The following DMD variants were observed in gnomAD, a reference collection of about 807,000 sequenced individuals.
DMD encodes dystrophin, also known as mutant dystrophin.
Under a neutral mutation model 330.1 loss-of-function variants are expected in DMD, and 63 were observed. The ratio of observed to expected loss-of-function variants is 0.19; its 90% CI spans 0.16 to 0.24. The LOEUF is 0.24. Ranked by LOEUF, DMD falls within the 10% of genes least tolerant of loss-of-function variation. The pLI is 1.00. For missense variants in DMD, 3,344 were observed against 2,684.1 expected, an observed-to-expected ratio of 1.25 and a Z score of -5.43; for synonymous variants, 1,223 against 959.8, an observed-to-expected ratio of 1.27 and a Z score of -5.07.
chrX:32,559,445 C>A (rs1603636358), intron 16 of DMD, among the ~76,000 whole-genome samples: 1 of 111,207 alleles, frequency 9.0e-6, no homozygotes, highest in East Asian at 2.8e-4. Flanking sequence ...TCGTGGAGAG[C>A]TTTCAGGAAG....
chrX:33,054,923 T>C (rs971599790), intron 1 of DMD, among the ~76,000 whole-genome samples: 4 of 111,873 alleles, frequency 3.6e-5, no homozygotes, highest in Non-Finnish European at 5.6e-5. Flanking sequence ...GATTTTGAAT[T>C]AACTATGTGA....
chrX:33,174,423 AGTGT>A (rs755414559), intron 1 of DMD, among the ~76,000 whole-genome samples: 5 of 111,966 alleles, frequency 4.5e-5, no homozygotes, highest in African/African-American at 1.6e-4. Flanking sequence ...GAGTTATTTA[AGTGT>A]GTGACTACTT....
chrX:32,782,899 A>G (rs1175160616), intron 7 of DMD, among the ~76,000 whole-genome samples: 1 of 105,915 alleles, frequency 9.4e-6, no homozygotes, highest in East Asian at 3.0e-4. Context: ...ACATATACAC[A>G]TATATATCAT....
chrX:33,041,246 A>G (rs2094294119), intron 1 of DMD: 9 of 516,709 alleles, frequency 1.7e-5, no homozygotes, highest in East Asian at 7.3e-5. Flanking sequence ...GTATGACACT[A>G]TAATGATTTA....
At chrX:31,257,869 C>T (rs1392553675) in intron 63 of DMD, among the ~76,000 whole-genome samples, 1 of 112,089 alleles carries the variant, frequency 8.9e-6, no homozygotes. Flanking sequence ...TCACTTCATC[C>T]TGGGGAGGCG....
intron 43 of DMD, among the ~76,000 whole-genome samples, chrX:32,240,137 T>A (rs2097202641): frequency 8.9e-6 from 1 of 112,018 alleles, no homozygotes; most frequent in Non-Finnish European, 1.9e-5. Flanking sequence ...TGTGCGTATG[T>A]AGGGCTTATA....
intron 50 of DMD, among the ~76,000 whole-genome samples, chrX:31,792,349 A>G (rs1370045783): frequency 8.9e-6 from 1 of 112,500 alleles, no homozygotes; most frequent in Non-Finnish European, 1.9e-5. Context: ...CATTCTGATT[A>G]TCTGCACTAA....
At chrX:33,245,391 A>G (rs1209684406) in intron 1 of DMD, among the ~76,000 whole-genome samples, 1 of 112,001 alleles carries the variant, frequency 8.9e-6, no homozygotes, top group Non-Finnish European at 1.9e-5. Context: ...GTCAAAACTG[A>G]TGAAATTAAT....
chrX:31,763,363 A>G (rs2089760152), intron 51 of DMD, among the ~76,000 whole-genome samples: 1 of 112,023 alleles, frequency 8.9e-6, no homozygotes, highest in South Asian at 3.7e-4. Context: ...GGTATTTGAG[A>G]CCAGCCTGGC....
At chrX:32,294,206 CCTCCACCTGATACCAAGA>C (rs1405856084) in intron 42 of DMD, among the ~76,000 whole-genome samples, 1 of 112,243 alleles carries the variant, frequency 8.9e-6, no homozygotes, top group Non-Finnish European at 1.9e-5. Flanking sequence ...TCTGCCAAGT[CCTCCACCTGATACCAAGA>C]CTCCAGCTGA....
chrX:32,505,877 C>T (rs754413635), intron 18 of DMD, among the ~76,000 whole-genome samples: 5 of 111,836 alleles, frequency 4.5e-5, no homozygotes, highest in Non-Finnish European at 9.4e-5. Flanking sequence ...ATGCATGTTA[C>T]TAAGTTAAAG....
intron 60 of DMD, among the ~76,000 whole-genome samples, chrX:31,369,736 C>T (rs1267750005): frequency 9.0e-6 from 1 of 110,966 alleles, no homozygotes; most frequent in African/African-American, 3.3e-5. Flanking sequence ...AGAAATAAGT[C>T]TGACCTTACT....
intron 1 of DMD, among the ~76,000 whole-genome samples, chrX:33,067,612 G>A (rs976448219): frequency 4.5e-5 from 5 of 112,060 alleles, no homozygotes; most frequent in East Asian, 2.8e-4. Flanking sequence ...AGGCCAAGGC[G>A]GGTGGATCAC....
intron 1 of DMD, among the ~76,000 whole-genome samples, chrX:33,289,271 C>T (rs1337080158): frequency 2.7e-5 from 3 of 109,980 alleles, no homozygotes; most frequent in Non-Finnish European, 3.8e-5. Flanking sequence ...AAGGTGTAAA[C>T]GCTCATTCAC....
chrX:32,205,074 A>G (rs1323205856), intron 44 of DMD, among the ~76,000 whole-genome samples: 1 of 99,434 alleles, frequency 1.0e-5, no homozygotes, highest in East Asian at 3.1e-4. Context: ...TAAAACAAAA[A>G]ATCTGTGAAA....
chrX:32,698,379 A>T (rs2063813410), intron 8 of DMD, among the ~76,000 whole-genome samples: 1 of 111,789 alleles, frequency 8.9e-6, no homozygotes, highest in African/African-American at 3.3e-5. Flanking sequence ...CCTGGAAAGG[A>T]CTAAAAATTT....
intron 53 of DMD, among the ~76,000 whole-genome samples, chrX:31,672,443 A>C (rs1047080784): frequency 8.0e-5 from 9 of 111,993 alleles, no homozygotes; most frequent in Non-Finnish European, 1.5e-4. Context: ...AGTCTTTTTC[A>C]AGTGTCTATT....
At chrX:33,252,004 C>A (rs2052779588) in intron 1 of DMD, among the ~76,000 whole-genome samples, 1 of 112,066 alleles carries the variant, frequency 8.9e-6, no homozygotes, top group South Asian at 3.7e-4. Flanking sequence ...AATACTTAAA[C>A]TACTCAAGCA....
At chrX:31,476,389 G>T in intron 59 of DMD, among the ~76,000 whole-genome samples, 1 of 79,894 alleles carries the variant, frequency 1.3e-5, no homozygotes, top group Admixed American at 1.3e-4. Context: ...CTATGTATGT[G>T]TGTGTGTGTA....
Sources: allele counts gnomAD v4.1 joint callset (sites outside exome capture counted in the v4.1 genomes callset), GRCh38; gene constraint gnomAD v4.1.1; transcripts MANE v1.5; gene names NCBI Gene and HGNC (gene_info 2026-07-23, HGNC 2026-07-21).